The following MALRD1 variants were observed in gnomAD, a reference collection of about 807,000 sequenced individuals.
MALRD1 encodes MAM and LDL-receptor class A domain-containing protein 1.
MALRD1 carries 247 observed loss-of-function variants against 242.1 expected under a neutral mutation model. That is an observed-to-expected ratio of 1.02 (90% CI 0.92 to 1.13). The LOEUF (loss-of-function observed/expected upper bound fraction) is 1.13, where lower values mean the gene tolerates loss of function less well. MALRD1 is among the 50% of genes most tolerant of loss of function. The probability of loss-of-function intolerance (pLI) is 0.00; values close to 1 mark genes in which losing one functional copy is unlikely to be tolerated. For missense variants in MALRD1, 2,989 were observed against 2,533.1 expected (o/e 1.18, Z -3.86); for synonymous variants, 995 against 866.6 (o/e 1.15, Z -2.60).
chr10:19,414,673 G>C (rs945019610), intron 28 of MALRD1, among the ~76,000 whole-genome samples: 1 of 152,092 alleles, frequency 6.6e-6, no homozygotes, highest in African/African-American at 2.4e-5. Context: ...GTGACTTCAC[G>C]GAGTGTAGGG....
At chr10:19,241,401 G>A (rs1243525187) in intron 18 of MALRD1, among the ~76,000 whole-genome samples, 3 of 151,860 alleles carry the variant, frequency 2.0e-5, no homozygotes, top group Admixed American at 6.6e-5. Context: ...TTATATTTCT[G>A]TGGTGTATCA....
chr10:19,372,390 A>G (rs1845416142), intron 26 of MALRD1, among the ~76,000 whole-genome samples: 1 of 152,108 alleles, frequency 6.6e-6, no homozygotes, highest in South Asian at 2.1e-4. Flanking sequence ...AGAAAAATAG[A>G]AAGGTGTTAA....
At chr10:19,355,858 T>TATATGATATATATATATATATATA (rs57813656) in intron 26 of MALRD1, among the ~76,000 whole-genome samples, 5 of 94,946 alleles carry the variant, frequency 5.3e-5, no homozygotes, top group African/African-American at 1.8e-4. Context: ...TATATATATA[T>TATATGATATATATATATATATATA]TATATATGAT....
At chr10:19,552,911 G>A (rs898025340) in intron 32 of MALRD1, among the ~76,000 whole-genome samples, 1 of 151,998 alleles carries the variant, frequency 6.6e-6, no homozygotes, top group African/African-American at 2.4e-5. Context: ...TTTGATCTAA[G>A]TGTGGTTACA....
intron 31 of MALRD1, among the ~76,000 whole-genome samples, chr10:19,529,781 T>C (rs1324112866): frequency 1.3e-5 from 2 of 151,914 alleles, no homozygotes; most frequent in Non-Finnish European, 2.9e-5. Flanking sequence ...GAGAAACATA[T>C]ACCATGCTAA....
chr10:19,187,507 C>A (rs1004898110), intron 14 of MALRD1, among the ~76,000 whole-genome samples: 2 of 152,112 alleles, frequency 1.3e-5, no homozygotes, highest in Non-Finnish European at 2.9e-5. Context: ...AGGAACACAT[C>A]TGGTGAATTT....
chr10:19,312,890 G>A (rs1461204013), intron 21 of MALRD1, among the ~76,000 whole-genome samples: 3 of 151,436 alleles, frequency 2.0e-5, no homozygotes, highest in African/African-American at 2.4e-5. Context: ...GCAGGGAAAC[G>A]ATCAGTGGCT....
At chr10:19,373,061 A>G (rs758077318) in intron 26 of MALRD1, among the ~76,000 whole-genome samples, 13 of 152,012 alleles carry the variant, frequency 8.6e-5, no homozygotes, top group Non-Finnish European at 1.6e-4. Flanking sequence ...AAAGATGAAA[A>G]GTCTGCGAAA....
intron 14 of MALRD1, among the ~76,000 whole-genome samples, chr10:19,191,131 A>G (rs1055803255): frequency 2.0e-5 from 3 of 152,348 alleles, no homozygotes; most frequent in Non-Finnish European, 2.9e-5. Context: ...TCAATTCAAA[A>G]ATAGACAAAA....
chr10:19,216,725 C>T (rs948667399), intron 18 of MALRD1, among the ~76,000 whole-genome samples: 1 of 151,348 alleles, frequency 6.6e-6, no homozygotes, highest in Non-Finnish European at 1.5e-5. Context: ...GTGGGTGGAT[C>T]ACGAGGTCAG....
At chr10:19,528,143 A>G (rs1246212235) in intron 31 of MALRD1, among the ~76,000 whole-genome samples, 1 of 152,068 alleles carries the variant, frequency 6.6e-6, no homozygotes, top group African/African-American at 2.4e-5. Flanking sequence ...TCCTAACTCA[A>G]TATTTGGTGG....
chr10:19,244,481 G>T (rs955835222), intron 18 of MALRD1, among the ~76,000 whole-genome samples: 1 of 151,954 alleles, frequency 6.6e-6, no homozygotes, highest in African/African-American at 2.4e-5. Context: ...GAGGTGGGAG[G>T]ATGGCTTGAG....
chr10:19,236,004 T>G (rs1407173618), intron 18 of MALRD1, among the ~76,000 whole-genome samples: 1 of 151,946 alleles, frequency 6.6e-6, no homozygotes, highest in Non-Finnish European at 1.5e-5. Context: ...CATATAGAGA[T>G]AGCTGAAAAT....
At chr10:19,521,750 A>G (rs1210301191) in intron 31 of MALRD1, among the ~76,000 whole-genome samples, 1 of 152,112 alleles carries the variant, frequency 6.6e-6, no homozygotes, top group Non-Finnish European at 1.5e-5. Flanking sequence ...TCAATCACTT[A>G]TTTCCACATT....
At chr10:19,464,391 G>A (rs1674722824) in intron 29 of MALRD1, among the ~76,000 whole-genome samples, 1 of 152,148 alleles carries the variant, frequency 6.6e-6, no homozygotes, top group Non-Finnish European at 1.5e-5. Context: ...TTTGTATAAG[G>A]TGAGAGATGA....
chr10:19,596,261 A>G (rs1042761860), intron 34 of MALRD1, among the ~76,000 whole-genome samples: 13 of 152,162 alleles, frequency 8.5e-5, no homozygotes, highest in Non-Finnish European at 1.5e-4. Flanking sequence ...CACCCCTAAC[A>G]TTTTATTATT....
At chr10:19,593,105 G>C (rs887650656) in intron 33 of MALRD1, among the ~76,000 whole-genome samples, 2 of 151,958 alleles carry the variant, frequency 1.3e-5, no homozygotes, top group African/African-American at 4.8e-5. Flanking sequence ...AGTACCAGAA[G>C]AGCTACATAT....
intron 26 of MALRD1, among the ~76,000 whole-genome samples, chr10:19,373,605 A>G (rs557266613): frequency 2.0e-5 from 3 of 152,266 alleles, no homozygotes; most frequent in South Asian, 4.1e-4. Context: ...AAATGACAAC[A>G]TAAAATACTA....
chr10:19,216,711 C>T (rs904109926), intron 18 of MALRD1, among the ~76,000 whole-genome samples: 18 of 151,628 alleles, frequency 1.2e-4, no homozygotes, highest in Non-Finnish European at 2.6e-4. Context: ...TTTGGGAGGC[C>T]GAGGTGGGTG....
Sources: allele counts gnomAD v4.1 joint callset (sites outside exome capture counted in the v4.1 genomes callset), GRCh38; gene constraint gnomAD v4.1.1; transcripts MANE v1.5; gene names NCBI Gene and HGNC (gene_info 2026-07-23, HGNC 2026-07-21).